SPRTN: variants seen among roughly 807,000 people sequenced by gnomAD.
The protein encoded by SPRTN is DNA-dependent metalloprotease SPRTN.
SPRTN carries 11 observed loss-of-function variants against 31.9 expected under a neutral mutation model. The observed-to-expected ratio is 0.34, with a 90% CI of 0.22 to 0.57. SPRTN has a LOEUF of 0.57. Ranked by LOEUF, SPRTN falls within the 20% of genes least tolerant of loss-of-function variation. The pLI is 0.86. For missense variants in SPRTN, 482 were observed against 590.1 expected, an observed-to-expected ratio of 0.82 and a Z score of 1.90; for synonymous variants, 185 against 212.1, an observed-to-expected ratio of 0.87 and a Z score of 1.11.
chr1:231,346,399 G>T (rs1687065126), intron 2 of SPRTN, among the ~76,000 whole-genome samples: 1 of 150,334 alleles, frequency 6.7e-6, no homozygotes, highest in Admixed American at 6.6e-5. Context: ...TAGAGACAGG[G>T]TTTCACCATG....
At chr1:231,351,001 T>C (rs1414452990) in intron 3 of SPRTN, among the ~76,000 whole-genome samples, 1 of 152,140 alleles carries the variant, frequency 6.6e-6, no homozygotes, top group Non-Finnish European at 1.5e-5. Flanking sequence ...CTGAAACTTT[T>C]AGTGTTCATG....
intron 3 of SPRTN, among the ~76,000 whole-genome samples, chr1:231,350,924 A>G (rs1687206552): frequency 6.6e-6 from 1 of 152,078 alleles, no homozygotes; most frequent in African/African-American, 2.4e-5. Flanking sequence ...AATGATTCTT[A>G]TTTTAGTATG....
At position 231,351,509 on chromosome 1, in the gene SPRTN, CA is replaced by C; in HGVS notation, c.663del (p.Gly222AlafsTer7). On this transcript the variant is annotated frameshift_variant, in exon 4 of 5. Transcript: ENST00000295050. LOFTEE classifies it high-confidence loss of function. ...YIKIKEPENY[S>X]KKGKGKAKLG... is the part of the protein sequence containing the mutation. ...AAAATCAAGGAACCAGAGAATTACT[CA>C]AAAAAAGGCAAAGGAAAGGCAAAAC... 6.2e-7 allele frequency: 1 copy of C among 1,613,904 alleles called. No individual in the cohort carries two copies. The highest frequency in any genetic ancestry group is 2.2e-5 in the East Asian group (1 of 44,884).
At chr1:231,342,809 A>G (rs1320325064) in intron 2 of SPRTN, among the ~76,000 whole-genome samples, 1 of 150,316 alleles carries the variant, frequency 6.7e-6, no homozygotes, top group Non-Finnish European at 1.5e-5. Flanking sequence ...ATCTCCACTC[A>G]CTGCAAGCTC....
intron 2 of SPRTN, among the ~76,000 whole-genome samples, chr1:231,342,741 TTA>T (rs1249755019): frequency 6.6e-6 from 1 of 151,022 alleles, no homozygotes. Context: ...CTATATTTAT[TTA>T]TTTTTTTTTT....
At chr1:231,344,424 T>G (rs1430375599) in intron 2 of SPRTN, among the ~76,000 whole-genome samples, 2 of 152,146 alleles carry the variant, frequency 1.3e-5, no homozygotes, top group Non-Finnish European at 2.9e-5. Context: ...GAGGGATCCC[T>G]TGATGCCAGG....
chr1:231,349,279 C>T (rs1212172307), intron 3 of SPRTN, among the ~76,000 whole-genome samples: 2 of 152,054 alleles, frequency 1.3e-5, no homozygotes, highest in Non-Finnish European at 2.9e-5. Flanking sequence ...TGCCTGGCCT[C>T]TCCATGTATT....
chr1:231,348,602 GCCTGTGT>G (rs1687132065), intron 3 of SPRTN, among the ~76,000 whole-genome samples: 1 of 152,056 alleles, frequency 6.6e-6, no homozygotes, highest in South Asian at 2.1e-4. Context: ...CAACTCTGCT[GCCTGTGT>G]CCTGTCTCTT....
At chr1:231,345,253 G>A (rs962791507) in intron 2 of SPRTN, among the ~76,000 whole-genome samples, 2 of 151,366 alleles carry the variant, frequency 1.3e-5, no homozygotes, top group African/African-American at 4.9e-5. Context: ...TCAGCCTCCC[G>A]AGTAGCTGGG....
chr1:231,348,359 G>A (rs115779520), intron 3 of SPRTN, among the ~76,000 whole-genome samples: 2,129 of 152,226 alleles, frequency 0.014, 46 homozygotes, highest in African/African-American at 0.049. Flanking sequence ...AGCTGGAGGC[G>A]TCAGGCTGCT....
rs375199797 is a variant in SPRTN, at chr1:231,339,873, T to A, written c.321+5T>A. 5.0e-6 allele frequency: 8 copies of A among 1,613,814 alleles called. No homozygotes were observed. The highest frequency in any genetic ancestry group is 6.8e-6 in the Non-Finnish European group (8 of 1,179,766). On this transcript the variant is annotated splice_donor_5th_base_variant and intron_variant, in intron 2 of 4. Coordinates refer to ENST00000295050, the MANE Select transcript of SPRTN (RefSeq NM_032018.7). ...CCAAGAAAGGATCTTGTAGAGGTAT[T>A]TTTCGTGTAAACTTGCTTCCTAGCG...
chr1:231,343,438 C>T (rs1028670187), intron 2 of SPRTN, among the ~76,000 whole-genome samples: 28 of 152,016 alleles, frequency 1.8e-4, no homozygotes, highest in African/African-American at 6.3e-4. Flanking sequence ...AGAACATATC[C>T]CTGCCAAGTG....
chr1:231,350,914 A>C (rs1687206123), intron 3 of SPRTN, among the ~76,000 whole-genome samples: 1 of 152,104 alleles, frequency 6.6e-6, no homozygotes, highest in Admixed American at 6.6e-5. Flanking sequence ...TAGCAGTGGG[A>C]ATGATTCTTA....
At position 231,351,314 on chromosome 1, in the gene SPRTN, C is replaced by T; in HGVS notation, c.461C>T (p.Thr154Ile). 1.3e-6 allele frequency: 2 copies of T among 1,587,710 alleles called. No individual in the cohort carries two copies. Among genetic ancestry groups the T allele is most frequent in the Non-Finnish European group, 1.7e-6 (2 of 1,163,658 alleles). Residue 154 changes from threonine (T) to isoleucine (I), a missense_variant, in exon 4 of 5, where the codon ACT (threonine) becomes ATT (isoleucine). This residue lies in a region of SPRTN where 157 missense variants were observed against 239.9 expected (regional missense o/e 0.65). Transcript: ENST00000295050. ...TCTGTCTCCACTCAGGTATACCATA[C>T]TTTTCACGATGAGGTGGATGAGTAT... ...LTGANITVYH[T>I]FHDEVDEYRR...
intron 1 of SPRTN, among the ~76,000 whole-genome samples, chr1:231,338,855 A>AT (rs1170188190): frequency 6.6e-5 from 10 of 152,156 alleles, no homozygotes; most frequent in South Asian, 4.1e-4. Context: ...CAAAAAAGAG[A>AT]TTTTTATTTG....
chr1:231,351,654 TA>T, intron 4 of SPRTN, 83 bp downstream of exon 4: 1 of 1,537,954 alleles, frequency 6.5e-7, no homozygotes. Context: ...GAACTGGTAT[TA>T]AGATAAACTT....
intron 2 of SPRTN, among the ~76,000 whole-genome samples, chr1:231,343,015 G>A (rs1412388580): frequency 6.6e-6 from 1 of 152,108 alleles, no homozygotes; most frequent in Non-Finnish European, 1.5e-5. Context: ...GGGATTACAG[G>A]CGTGAGCCAC....
intron 2 of SPRTN, among the ~76,000 whole-genome samples, chr1:231,340,867 C>T (rs1019935225): frequency 6.6e-6 from 1 of 151,602 alleles, no homozygotes; most frequent in African/African-American, 2.4e-5. Flanking sequence ...GGGTGGGAAG[C>T]ATGTTAAAAC....
chr1:231,345,990 T>A (rs2102867677), intron 2 of SPRTN, among the ~76,000 whole-genome samples: 1 of 152,094 alleles, frequency 6.6e-6, no homozygotes, highest in African/African-American at 2.4e-5. Context: ...TTATTTTTAT[T>A]TTTTTGTAGA....
Sources: allele counts gnomAD v4.1 joint callset (sites outside exome capture counted in the v4.1 genomes callset), GRCh38; gene constraint gnomAD v4.1.1; regional missense constraint gnomAD v4.1.1; transcripts MANE v1.5; gene names NCBI Gene and HGNC (gene_info 2026-07-23, HGNC 2026-07-21).